Variants in MAPK6 observed in about 807,000 individuals in gnomAD.
MAPK6 encodes the protein mitogen-activated protein kinase 6, also known as ERK-3.
MAPK6 carries 19 observed loss-of-function variants against 59.3 expected under a neutral mutation model. That is an observed-to-expected ratio of 0.32 (90% CI 0.22 to 0.47). MAPK6 has a LOEUF of 0.47. MAPK6 is among the 20% of genes least tolerant of loss of function. MAPK6 has a pLI of 1.00. For synonymous variants in MAPK6, 316 were observed against 290.3 expected, an observed-to-expected ratio of 1.09 and a Z score of -0.90; for missense variants, 724 against 847.9, an observed-to-expected ratio of 0.85 and a Z score of 1.81.
upstream of MAPK6, among the ~76,000 whole-genome samples, chr15:52,014,332 C>T (rs2030172584): frequency 6.6e-6 from 1 of 152,096 alleles, no homozygotes; most frequent in South Asian, 2.1e-4. Flanking sequence ...AATATAAATA[C>T]ATTTTACATT....
At chr15:52,012,020 G>A (rs952460218) in intron 3 of MAPK6, among the ~76,000 whole-genome samples, 12 of 152,130 alleles carry the variant, frequency 7.9e-5, no homozygotes, top group African/African-American at 2.7e-4. Context: ...TTCCAGTGAT[G>A]TAGCATTCAC....
At chr15:51,996,351 T>C (rs2057224178) in intron 2 of MAPK6, among the ~76,000 whole-genome samples, 1 of 152,188 alleles carries the variant, frequency 6.6e-6, no homozygotes, top group African/African-American at 2.4e-5. Flanking sequence ...ATTCAGAGAC[T>C]TTGGCTGTGT....
At chr15:52,040,904 T>C (rs2141896580) in intron 1 of MAPK6, among the ~76,000 whole-genome samples, 1 of 152,360 alleles carries the variant, frequency 6.6e-6, no homozygotes, top group African/African-American at 2.4e-5. Context: ...CAACTTTTAT[T>C]CTTATAAATT....
At chr15:51,974,386 G>A (rs2057151091) in intron 1 of MAPK6, among the ~76,000 whole-genome samples, 1 of 151,544 alleles carries the variant, frequency 6.6e-6, no homozygotes, top group Non-Finnish European at 1.5e-5. Flanking sequence ...GCCGGGCACG[G>A]TGGCTCACCC....
At chr15:51,972,443 C>A (rs146333799) in intron 1 of MAPK6, among the ~76,000 whole-genome samples, 2,358 of 117,686 alleles carry the variant, frequency 0.02, 34 homozygotes, top group Non-Finnish European at 0.031. Context: ...TTACTGTATT[C>A]TTACTAATAC....
intron 1 of MAPK6, chr15:52,027,762 T>TTTAG (rs1306349337): frequency 6.7e-6 from 1 of 150,136 alleles, no homozygotes; most frequent in South Asian, 2.1e-4. Context: ...TATTTATTTA[T>TTTAG]TTATTTATTT....
intron 2 of MAPK6, among the ~76,000 whole-genome samples, chr15:51,996,521 G>T (rs146513143): frequency 1.3e-5 from 2 of 148,294 alleles, no homozygotes; most frequent in African/African-American, 5.0e-5. Flanking sequence ...TCAGCCTCCC[G>T]AATAGCTGGA....
chr15:52,022,229 C>T (rs908407359), intron 1 of MAPK6, among the ~76,000 whole-genome samples: 2 of 152,114 alleles, frequency 1.3e-5, no homozygotes, highest in African/African-American at 4.8e-5. Context: ...GTTTATTTTT[C>T]CAAAGGGATT....
At chr15:52,013,396 G>A (rs1427774431) in intron 3 of MAPK6, among the ~76,000 whole-genome samples, 1 of 151,954 alleles carries the variant, frequency 6.6e-6, no homozygotes, top group East Asian at 1.9e-4. Flanking sequence ...TTTGTATTGC[G>A]AAACTCTATT....
chr15:52,015,517 A>T (rs1011523368), upstream of MAPK6, among the ~76,000 whole-genome samples: 4 of 138,958 alleles, frequency 2.9e-5, no homozygotes, highest in East Asian at 2.4e-4. Context: ...TCGCTCTGTC[A>T]CCCAGACTGG....
chr15:52,032,421 C>T (rs2031072691), intron 1 of MAPK6, among the ~76,000 whole-genome samples: 1 of 146,402 alleles, frequency 6.8e-6, no homozygotes, highest in Non-Finnish European at 1.5e-5. Flanking sequence ...AACTCCCAGC[C>T]TCAGGTGATC....
intron 2 of MAPK6, among the ~76,000 whole-genome samples, chr15:51,993,954 T>G (rs1445647771): frequency 6.6e-6 from 1 of 151,908 alleles, no homozygotes; most frequent in Non-Finnish European, 1.5e-5. Context: ...TCTTTTTATT[T>G]ATTTATTTAT....
intron 2 of MAPK6, among the ~76,000 whole-genome samples, chr15:52,000,987 T>C (rs2141824103): frequency 6.6e-6 from 1 of 152,174 alleles, no homozygotes; most frequent in Non-Finnish European, 1.5e-5. Flanking sequence ...TTGTTGAAAA[T>C]CCATTGCCCA....
At chr15:52,049,266 A>G (rs2031700245) in intron 2 of MAPK6, among the ~76,000 whole-genome samples, 1 of 151,468 alleles carries the variant, frequency 6.6e-6, no homozygotes, top group Non-Finnish European at 1.5e-5. Context: ...CTTGAAGCAT[A>G]CTTGCTCTTT....
rs138222699 is a variant in MAPK6, at chr15:51,978,849, G to A, written c.-879-4357G>A. On this transcript the variant is annotated intron_variant, in intron 1 of 7. Coordinates refer to the MAPK6 transcript ENST00000691380. ...TCAAGAATTTGAAGGGGCCAAGCAT[G>A]GTGGTTCACACCGATAACCCCAACA... is the stretch of plus-strand genomic sequence containing the variant. Among the ~76,000 whole-genome samples the A allele has an allele frequency of 3.6e-3, 552 of 151,830 alleles. 13 individuals carry two copies. The highest frequency in any genetic ancestry group is 5.7e-3 in the Non-Finnish European group (386 of 67,902).
intron 1 of MAPK6, among the ~76,000 whole-genome samples, chr15:52,039,114 G>T (rs1420653979): frequency 6.6e-6 from 1 of 152,182 alleles, no homozygotes; most frequent in Non-Finnish European, 1.5e-5. Flanking sequence ...CCAGGTTCAA[G>T]CGATTCTCCT....
upstream of MAPK6, among the ~76,000 whole-genome samples, chr15:52,016,517 A>G (rs1424108898): frequency 6.6e-6 from 1 of 152,350 alleles, no homozygotes; most frequent in South Asian, 2.1e-4. Context: ...TGGAGTTGCA[A>G]ATAACTTGAT....
chr15:52,023,664 C>G (rs972891444), intron 1 of MAPK6, among the ~76,000 whole-genome samples: 1 of 152,204 alleles, frequency 6.6e-6, no homozygotes, highest in Non-Finnish European at 1.5e-5. Context: ...CAGGCTGGAG[C>G]GCAGTCGCGC....
intron 2 of MAPK6, among the ~76,000 whole-genome samples, chr15:51,997,503 C>T (rs1326102560): frequency 2.0e-5 from 3 of 152,050 alleles, no homozygotes; most frequent in Admixed American, 6.6e-5. Context: ...AGTGATCTAC[C>T]CGCCTTGGCC....
Sources: allele counts gnomAD v4.1 joint callset (sites outside exome capture counted in the v4.1 genomes callset), GRCh38; gene constraint gnomAD v4.1.1; transcripts MANE v1.5; gene names NCBI Gene and HGNC (gene_info 2026-07-23, HGNC 2026-07-21).